BMPR1B: variants seen among roughly 807,000 people sequenced by gnomAD.
The protein encoded by BMPR1B is bone morphogenetic protein receptor type-1B.
In BMPR1B, 12 loss-of-function variants were observed where a neutral mutation model predicts 59.1. The observed-to-expected ratio is 0.20, with a 90% CI of 0.13 to 0.33. BMPR1B has a LOEUF of 0.33. BMPR1B is among the 10% of genes least tolerant of loss of function. The probability of loss-of-function intolerance (pLI) is 1.00; values close to 1 mark genes in which losing one functional copy is unlikely to be tolerated. For missense variants in BMPR1B, 550 were observed against 610.9 expected (o/e 0.90, Z 1.05); for synonymous variants, 237 against 207.3 (o/e 1.14, Z -1.23).
intron 1 of BMPR1B, among the ~76,000 whole-genome samples, chr4:94,824,501 G>A: frequency 6.6e-6 from 1 of 152,278 alleles, no homozygotes; most frequent in East Asian, 1.9e-4. Context: ...CTAAGGTAGT[G>A]TATCCTTATG....
chr4:94,944,410 G>T (rs1729630014), intron 2 of BMPR1B, among the ~76,000 whole-genome samples: 1 of 152,104 alleles, frequency 6.6e-6, no homozygotes, highest in Non-Finnish European at 1.5e-5. Context: ...AACATTACAT[G>T]CCATAGTTAG....
chr4:94,951,546 A>G (rs11097450), intron 2 of BMPR1B, among the ~76,000 whole-genome samples: 83,537 of 151,896 alleles, frequency 0.55, 23,961 homozygotes, highest in African/African-American at 0.7. Flanking sequence ...GCTTTTTGTC[A>G]TTGGTTCTGT....
At chr4:94,934,453 G>GTTTTTTTTTT (rs371268875) in intron 2 of BMPR1B, among the ~76,000 whole-genome samples, 20 of 115,274 alleles carry the variant, frequency 1.7e-4, no homozygotes, top group African/African-American at 3.5e-4. Context: ...CCCAGCTATG[G>GTTTTTTTTTT]TTTTTTTTTT....
At chr4:94,849,418 A>T (rs2148945275) in intron 1 of BMPR1B, among the ~76,000 whole-genome samples, 1 of 152,266 alleles carries the variant, frequency 6.6e-6, no homozygotes, top group African/African-American at 2.4e-5. Context: ...GGGGAAACGA[A>T]GTATAGGCAG....
chr4:94,863,040 C>T, intron 1 of BMPR1B, among the ~76,000 whole-genome samples: 1 of 151,714 alleles, frequency 6.6e-6, no homozygotes, highest in Non-Finnish European at 1.5e-5. Flanking sequence ...ATCGCTTGAC[C>T]TGGAGGCAGA....
At chr4:95,085,184 A>G (rs1449273301) in intron 3 of BMPR1B, among the ~76,000 whole-genome samples, 1 of 152,138 alleles carries the variant, frequency 6.6e-6, no homozygotes, top group African/African-American at 2.4e-5. Flanking sequence ...TCATAACCCA[A>G]GAAGGAATGT....
At chr4:94,883,962 C>G (rs1340338351) in intron 2 of BMPR1B, among the ~76,000 whole-genome samples, 1 of 152,174 alleles carries the variant, frequency 6.6e-6, no homozygotes, top group Non-Finnish European at 1.5e-5. Context: ...ATTTTGTCAA[C>G]TTTTAGTCAT....
intron 2 of BMPR1B, among the ~76,000 whole-genome samples, chr4:94,921,869 T>C (rs1030442736): frequency 1.3e-5 from 2 of 152,184 alleles, no homozygotes; most frequent in African/African-American, 2.4e-5. Context: ...TTTTTTGTAA[T>C]CTAAATATGT....
At chr4:95,026,110 C>CTTTCTTTCTTTCTTTCTTTCTTTCTTTT (rs1724360828) in intron 3 of BMPR1B, among the ~76,000 whole-genome samples, 2 of 139,394 alleles carry the variant, frequency 1.4e-5, no homozygotes, top group African/African-American at 5.5e-5. Context: ...TTCTTTCTTT[C>CTTTCTTTCTTTCTTTCTTTCTTTCTTTT]TTTCTTTCTT....
At chr4:95,053,725 T>A (rs1042055346) in intron 3 of BMPR1B, among the ~76,000 whole-genome samples, 3 of 152,180 alleles carry the variant, frequency 2.0e-5, no homozygotes, top group African/African-American at 7.2e-5. Flanking sequence ...CCCAATTGAT[T>A]TTCCCAGCTT....
In BMPR1B at chr4:95,157,265, T is replaced by C. The variant is rs1029118297; in HGVS notation, c.*2592T>C. ...AAAAAGACCCACTTAGCGATTATAG[T>C]TGCTCAATGAAACAAGAATTTATTT... On this transcript the variant is annotated 3_prime_UTR_variant, in exon 13 of 13. Coordinates refer to ENST00000515059, the MANE Select transcript of BMPR1B (RefSeq NM_001203.3). The C allele has an allele frequency of 2.6e-5, 4 of 152,148 alleles. No individual in the cohort carries two copies. The highest frequency in any genetic ancestry group is 9.6e-5 in the African/African-American group (4 of 41,458). The allele number at this position is 152,148 out of a possible 1,614,324, so 9.4% of individuals were successfully genotyped here.
At chr4:94,873,060 A>G (rs1289320802) in intron 1 of BMPR1B, among the ~76,000 whole-genome samples, 1 of 152,038 alleles carries the variant, frequency 6.6e-6, no homozygotes, top group Non-Finnish European at 1.5e-5. Flanking sequence ...AATAATCTAT[A>G]TGATTTTTTT....
At chr4:95,055,363 C>T (rs1560621078) in intron 3 of BMPR1B, among the ~76,000 whole-genome samples, 1 of 151,994 alleles carries the variant, frequency 6.6e-6, no homozygotes, top group Non-Finnish European at 1.5e-5. Flanking sequence ...TAGGTAGTTT[C>T]ACAATTAGAA....
At chr4:94,812,504 G>T (rs1165451105) in intron 1 of BMPR1B, among the ~76,000 whole-genome samples, 1 of 152,212 alleles carries the variant, frequency 6.6e-6, no homozygotes, top group East Asian at 1.9e-4. Context: ...GATCAGACTA[G>T]CGTGACAGAC....
In BMPR1B at chr4:95,154,724, GTT is replaced by G; in HGVS notation, c.*53_*54del. The G allele has an allele frequency of 6.2e-7, 1 of 1,608,598 alleles. No individual in the cohort carries two copies. The highest frequency in any genetic ancestry group is 8.5e-7 in the Non-Finnish European group (1 of 1,175,520). On this transcript the variant is annotated 3_prime_UTR_variant, in exon 13 of 13. Coordinates refer to ENST00000515059, the MANE Select transcript of BMPR1B (RefSeq NM_001203.3). Reference sequence around the variant, plus strand: ...GCAGAAAGCCAACAGGTACTCTTCTGTTTGTGGGCAGAGCAAAAGACATCAAA... The same window carrying G: ...GCAGAAAGCCAACAGGTACTCTTCTGTGTGGGCAGAGCAAAAGACATCAAA...
rs528297576 is a variant in BMPR1B at position 95,104,358 on chromosome 4, T to C, written c.-17-50T>C. 3.1e-6 allele frequency: 5 copies of C among 1,592,394 alleles called. No homozygotes were observed. The South Asian group carries it at 5.6e-5, about 18-fold the overall frequency. Reference sequence around the variant, plus strand: ...TCATGTTTTCGTTTGAACAGAAGACTGGGGTAGTCTACCCCACAGATGCCT... The same window carrying C: ...TCATGTTTTCGTTTGAACAGAAGACCGGGGTAGTCTACCCCACAGATGCCT... On this transcript the variant is annotated intron_variant, in intron 3 of 12. Transcript: ENST00000515059.
chr4:95,152,643 G>A lies in BMPR1B; in HGVS notation c.1253G>A (p.Gly418Asp), dbSNP rs1248109194. The change falls in exon 12 of 13, where the codon GGT becomes GAT. Residue 418 changes from glycine to aspartate, a missense_variant and splice_region_variant. This residue lies in a region of BMPR1B where 123 missense variants were observed against 164.6 expected (regional missense o/e 0.75). Transcript: ENST00000515059. Reference sequence around the variant, plus strand: ...AATAATAGTAACAACATATTTTTAGGTATAGTGGAAGAATACCAGCTTCCT... The same window carrying A: ...AATAATAGTAACAACATATTTTTAGATATAGTGGAAGAATACCAGCTTCCT... The part of the protein sequence containing the change: ...WEVARRCVSG[G>D]IVEEYQLPYH... 2.6e-6 allele frequency: 4 copies of A among 1,540,202 alleles called. No individual in the cohort carries two copies. The highest frequency in any genetic ancestry group is 3.9e-5 in the Admixed American group (2 of 50,984).
At chr4:94,871,073 G>C (rs1726469160) in intron 1 of BMPR1B, among the ~76,000 whole-genome samples, 1 of 152,110 alleles carries the variant, frequency 6.6e-6, no homozygotes, top group African/African-American at 2.4e-5. Flanking sequence ...TAGTAAATTG[G>C]AGGCAGGCAT....
chr4:94,784,657 C>T (rs1237458357), intron 1 of BMPR1B, among the ~76,000 whole-genome samples: 3 of 152,086 alleles, frequency 2.0e-5, no homozygotes, highest in African/African-American at 7.2e-5. Context: ...TGCACCCAGC[C>T]TAAATGTTAA....
Sources: allele counts gnomAD v4.1 joint callset (sites outside exome capture counted in the v4.1 genomes callset), GRCh38; gene constraint gnomAD v4.1.1; regional missense constraint gnomAD v4.1.1; transcripts MANE v1.5; gene names NCBI Gene and HGNC (gene_info 2026-07-23, HGNC 2026-07-21).